Variants in MAF observed in about 807,000 individuals in gnomAD.
MAF encodes the protein transcription factor Maf.
In MAF, 10 loss-of-function variants were observed where a neutral mutation model predicts 22.0. The ratio of observed to expected loss-of-function variants is 0.45; its 90% confidence interval spans 0.28 to 0.77. The LOEUF is 0.77. Ranked by LOEUF, MAF falls within the 30% of genes least tolerant of loss-of-function variation. The pLI is 0.12. For synonymous variants in MAF, 337 were observed against 255.8 expected, an observed-to-expected ratio of 1.32 and a Z score of -3.03; for missense variants, 544 against 548.4, an observed-to-expected ratio of 0.99 and a Z score of 0.08.
chr16:79,288,876 C>T, the MAF span, among the ~76,000 whole-genome samples: 7 of 152,230 alleles, frequency 4.6e-5, no homozygotes, highest in South Asian at 2.1e-4. Context: ...ATCACAGGCA[C>T]GCACCACCAT....
chr16:79,382,949 A>G, the MAF span, among the ~76,000 whole-genome samples: 1 of 152,180 alleles, frequency 6.6e-6, no homozygotes, highest in African/African-American at 2.4e-5. Flanking sequence ...GTGCTCTAGC[A>G]TTCATTCATT....
At chr16:79,362,556 G>C in the MAF span, among the ~76,000 whole-genome samples, 2 of 152,224 alleles carry the variant, frequency 1.3e-5, no homozygotes, top group African/African-American at 2.4e-5. Context: ...TGAGGAAACA[G>C]ATTTAGAAAG....
At chr16:79,285,514 G>C in the MAF span, among the ~76,000 whole-genome samples, 1 of 152,280 alleles carries the variant, frequency 6.6e-6, no homozygotes, top group East Asian at 1.9e-4. Context: ...GGGGAGCAGG[G>C]AAGGCTTGTG....
chr16:79,375,307 A>G, the MAF span, among the ~76,000 whole-genome samples: 3 of 152,304 alleles, frequency 2.0e-5, no homozygotes, highest in East Asian at 5.8e-4. Flanking sequence ...TGTCCAGCAA[A>G]TAAGAGAGAA....
At chr16:79,448,002 T>C in the MAF span, among the ~76,000 whole-genome samples, 1 of 152,078 alleles carries the variant, frequency 6.6e-6, no homozygotes, top group African/African-American at 2.4e-5. Context: ...TTGCTGCTTA[T>C]GGAAGAAAAA....
chr16:79,508,301 A>G, the MAF span, among the ~76,000 whole-genome samples: 19 of 152,146 alleles, frequency 1.2e-4, no homozygotes, highest in Admixed American at 7.2e-4. Flanking sequence ...GACTTGGCCA[A>G]TGGGGAGTGT....
chr16:79,378,123 T>C, the MAF span, among the ~76,000 whole-genome samples: 1 of 152,170 alleles, frequency 6.6e-6, no homozygotes, highest in East Asian at 1.9e-4. Flanking sequence ...TTGGGAAGTA[T>C]GGCCATTTTC....
At chr16:79,426,410 G>T in the MAF span, among the ~76,000 whole-genome samples, 1 of 152,052 alleles carries the variant, frequency 6.6e-6, no homozygotes, top group Non-Finnish European at 1.5e-5. Context: ...TTTATTCGTT[G>T]TTGAATATAG....
rs564623064 is a variant in MAF, at chr16:79,596,963, A to T, written c.1118+1822T>A. ...CAAATACTTTAATTTTGAAAAGAAA[A>T]AAAAACATACATTTTTGAATGTAAA... On this transcript the variant is annotated intron_variant, in intron 1 of 1. Coordinates refer to ENST00000326043, the MANE Select transcript of MAF (RefSeq NM_005360.5). 3 of 1,051,754 alleles carry T rather than the reference A, an allele frequency of 2.9e-6. No individual in the cohort carries two copies. In the South Asian group the frequency reaches 1.4e-4, roughly 48 times the overall value. 65.2% of individuals were successfully genotyped at this position (1,051,754 alleles called of 1,614,324 possible).
the MAF span, among the ~76,000 whole-genome samples, chr16:79,531,057 C>A: frequency 7.0e-4 from 106 of 152,286 alleles, no homozygotes; most frequent in African/African-American, 2.4e-3. Context: ...AAATATCCGG[C>A]CTTATCAGCT....
the MAF span, among the ~76,000 whole-genome samples, chr16:79,275,183 T>C: frequency 4.3e-3 from 649 of 152,160 alleles, 2 homozygotes; most frequent in Non-Finnish European, 7.4e-3. Context: ...TGGTGAAATC[T>C]TGTCTCTACT....
chr16:79,542,050 A>T, the MAF span, among the ~76,000 whole-genome samples: 1 of 152,158 alleles, frequency 6.6e-6, no homozygotes, highest in Non-Finnish European at 1.5e-5. Flanking sequence ...ATAAAAAGCT[A>T]AGCTGGTTGG....
At chr16:79,339,594 T>C in the MAF span, among the ~76,000 whole-genome samples, 2 of 152,190 alleles carry the variant, frequency 1.3e-5, no homozygotes, top group African/African-American at 2.4e-5. Context: ...GTTTTTTATA[T>C]AGCCAGGACT....
chr16:79,421,239 A>T, the MAF span, among the ~76,000 whole-genome samples: 8 of 152,324 alleles, frequency 5.3e-5, no homozygotes, highest in South Asian at 1.4e-3. Context: ...AGGTCTCAGA[A>T]CGTATTCCCT....
chr16:79,391,979 G>A, the MAF span, among the ~76,000 whole-genome samples: 1 of 149,964 alleles, frequency 6.7e-6, no homozygotes, highest in Non-Finnish European at 1.5e-5. Context: ...GTAGAGAAGG[G>A]AGAGGCGAGA....
chr16:79,496,669 T>C, the MAF span, among the ~76,000 whole-genome samples: 5,372 of 152,304 alleles, frequency 0.035, 233 homozygotes, highest in African/African-American at 0.11. Flanking sequence ...GAAATTCTTC[T>C]CTTCATAATG....
chr16:79,349,026 G>T, the MAF span, among the ~76,000 whole-genome samples: 2 of 152,202 alleles, frequency 1.3e-5, no homozygotes, highest in African/African-American at 4.8e-5. Flanking sequence ...CCCAGATGTG[G>T]TGATTGGCTG....
chr16:79,413,428 G>A, the MAF span, among the ~76,000 whole-genome samples: 1 of 143,996 alleles, frequency 6.9e-6, no homozygotes, highest in Admixed American at 7.1e-5. Context: ...TTTATTTTTA[G>A]TAGAGACGGG....
the MAF span, among the ~76,000 whole-genome samples, chr16:79,456,935 T>TACAC: frequency 7.7e-3 from 1,153 of 150,134 alleles, 20 homozygotes; most frequent in South Asian, 0.073. Flanking sequence ...GCCATGTTTT[T>TACAC]ACACACACAC....
Sources: allele counts gnomAD v4.1 joint callset (sites outside exome capture counted in the v4.1 genomes callset), GRCh38; gene constraint gnomAD v4.1.1; transcripts MANE v1.5; gene names NCBI Gene and HGNC (gene_info 2026-07-23, HGNC 2026-07-21).